The following CADM2 variants were observed in gnomAD, a reference collection of about 807,000 sequenced individuals.
CADM2 encodes the protein cell adhesion molecule 2, also known as immunoglobulin superfamily member 4D.
CADM2 carries 12 observed loss-of-function variants against 49.8 expected under a neutral mutation model. The observed-to-expected ratio is 0.24, with a 90% CI of 0.15 to 0.39. The LOEUF (loss-of-function observed/expected upper bound fraction) is 0.39, where lower values mean the gene tolerates loss of function less well. Ranked by LOEUF, CADM2 falls within the 10% of genes least tolerant of loss-of-function variation. The probability of loss-of-function intolerance (pLI) is 1.00; values close to 1 mark genes in which losing one functional copy is unlikely to be tolerated. For synonymous variants in CADM2, 214 were observed against 175.4 expected (o/e 1.22, Z -1.74); for missense variants, 378 against 492.3 (o/e 0.77, Z 2.20).
rs1036349326 is a variant in CADM2, at chr3:85,536,745, T to G, written c.62-189777T>G. Among the ~76,000 whole-genome samples the G allele has an allele frequency of 6.6e-5, 10 of 152,098 alleles. No individual in the cohort carries two copies. The South Asian group carries it at 2.1e-3, about 32-fold the overall frequency. ...TTGCAATCAAAAATAAAGGGAAGAT[T>G]AAGTAAATATGAGAGATATGTATAG... On this transcript the variant is annotated intron_variant, in intron 1 of 9. Coordinates refer to ENST00000383699, the MANE Select transcript of CADM2 (RefSeq NM_001167675.2).
intron 1 of CADM2, among the ~76,000 whole-genome samples, chr3:85,523,694 A>T (rs551421650): frequency 2.6e-5 from 4 of 152,048 alleles, no homozygotes; most frequent in African/African-American, 9.7e-5. Context: ...TGATTTTATT[A>T]TCTTCTTTTT....
At chr3:85,880,754 A>C (rs982173656) in intron 3 of CADM2, among the ~76,000 whole-genome samples, 1 of 152,160 alleles carries the variant, frequency 6.6e-6, no homozygotes, top group African/African-American at 2.4e-5. Context: ...TTCACAGTAG[A>C]GTTCACTCTC....
intron 1 of CADM2, among the ~76,000 whole-genome samples, chr3:85,399,767 G>T (rs962845952): frequency 1.3e-5 from 2 of 151,920 alleles, no homozygotes; most frequent in African/African-American, 2.4e-5. Context: ...TCATGATTTG[G>T]CTCTCTGTTA....
chr3:85,696,717 T>C (rs1195852831), intron 1 of CADM2, among the ~76,000 whole-genome samples: 1 of 152,136 alleles, frequency 6.6e-6, no homozygotes, highest in South Asian at 2.1e-4. Context: ...AAATGTATTC[T>C]TAGAGTTGTC....
chr3:85,651,300 A>G (rs969034491), intron 1 of CADM2, among the ~76,000 whole-genome samples: 1 of 152,172 alleles, frequency 6.6e-6, no homozygotes, highest in Non-Finnish European at 1.5e-5. Context: ...GTCAAATTAA[A>G]GGTCACTTAA....
At chr3:85,992,153 C>G in intron 8 of CADM2, 1 of 151,810 alleles carries the variant, frequency 6.6e-6, no homozygotes, top group East Asian at 1.9e-4. Context: ...CCTTATCCTG[C>G]ATTATTGAAA....
intron 1 of CADM2, among the ~76,000 whole-genome samples, chr3:85,185,239 A>G (rs779313541): frequency 1.3e-5 from 2 of 152,034 alleles, no homozygotes; most frequent in Non-Finnish European, 2.9e-5. Context: ...ATGTTCTTGG[A>G]AGGAATCATC....
At chr3:85,516,111 T>C (rs1398687121) in intron 1 of CADM2, among the ~76,000 whole-genome samples, 1 of 152,190 alleles carries the variant, frequency 6.6e-6, no homozygotes, top group African/African-American at 2.4e-5. Context: ...TCAGTTTCCA[T>C]GCCACAGTCC....
chr3:85,856,012 C>T (rs1232816567), intron 3 of CADM2, among the ~76,000 whole-genome samples: 1 of 152,106 alleles, frequency 6.6e-6, no homozygotes, highest in Admixed American at 6.5e-5. Flanking sequence ...AGTTCATACT[C>T]GTTATTTAAT....
intron 1 of CADM2, among the ~76,000 whole-genome samples, chr3:85,318,383 T>C (rs2044518487): frequency 6.6e-6 from 1 of 151,912 alleles, no homozygotes; most frequent in African/African-American, 2.4e-5. Flanking sequence ...AGTAACAGAA[T>C]TGGACAAACA....
intron 1 of CADM2, among the ~76,000 whole-genome samples, chr3:85,622,476 C>A (rs1359063690): frequency 6.6e-6 from 1 of 152,060 alleles, no homozygotes; most frequent in East Asian, 1.9e-4. Context: ...TAGTTTAGTT[C>A]ATTTAGATTT....
At chr3:85,498,823 T>C (rs1559871000) in intron 1 of CADM2, among the ~76,000 whole-genome samples, 1 of 152,156 alleles carries the variant, frequency 6.6e-6, no homozygotes, top group Non-Finnish European at 1.5e-5. Flanking sequence ...TCAGTGTTTA[T>C]GGTGACTTTG....
intron 1 of CADM2, among the ~76,000 whole-genome samples, chr3:85,408,616 TATCTAAGTG>T (rs1412947974): frequency 6.6e-6 from 1 of 152,204 alleles, no homozygotes; most frequent in African/African-American, 2.4e-5. Flanking sequence ...ACATAACTGC[TATCTAAGTG>T]ACAGAGATAT....
chr3:85,196,373 T>C (rs564273705), intron 1 of CADM2, among the ~76,000 whole-genome samples: 3 of 152,134 alleles, frequency 2.0e-5, no homozygotes, highest in Non-Finnish European at 4.4e-5. Flanking sequence ...CAATGACTAC[T>C]GTTTTCTAGG....
At chr3:85,887,374 T>A (rs1236071181) in intron 5 of CADM2, among the ~76,000 whole-genome samples, 1 of 152,216 alleles carries the variant, frequency 6.6e-6, no homozygotes, top group Non-Finnish European at 1.5e-5. Context: ...TGAGCCACCA[T>A]GCTCAGACAT....
At chr3:85,134,402 C>T (rs756725858) in intron 1 of CADM2, among the ~76,000 whole-genome samples, 3 of 152,378 alleles carry the variant, frequency 2.0e-5, no homozygotes, top group Non-Finnish European at 4.4e-5. Flanking sequence ...GCCGTGGGGA[C>T]TGCCAGCACG....
At chr3:85,531,123 C>A (rs1195863023) in intron 1 of CADM2, among the ~76,000 whole-genome samples, 4 of 152,134 alleles carry the variant, frequency 2.6e-5, no homozygotes, top group Admixed American at 2.0e-4. Flanking sequence ...CACTGAATAT[C>A]CTTCTACTAA....
At chr3:85,853,967 G>A (rs1195005346) in intron 3 of CADM2, among the ~76,000 whole-genome samples, 1 of 152,116 alleles carries the variant, frequency 6.6e-6, no homozygotes, top group Non-Finnish European at 1.5e-5. Context: ...GCTTTGTGGT[G>A]ATGTAATGAT....
chr3:85,013,113 C>G (rs986914242), intron 1 of CADM2, among the ~76,000 whole-genome samples: 13 of 148,490 alleles, frequency 8.8e-5, no homozygotes, highest in African/African-American at 3.2e-4. Flanking sequence ...ATGACCCACT[C>G]AGAAGATTCT....
Sources: allele counts gnomAD v4.1 joint callset (sites outside exome capture counted in the v4.1 genomes callset), GRCh38; gene constraint gnomAD v4.1.1; transcripts MANE v1.5; gene names NCBI Gene and HGNC (gene_info 2026-07-23, HGNC 2026-07-21).